The following SOX5 variants were observed in gnomAD, a reference collection of about 807,000 sequenced individuals.
The protein encoded by SOX5 is SRY-box transcription factor 5.
SOX5 carries 9 observed loss-of-function variants against 92.0 expected under a neutral mutation model. The ratio of observed to expected loss-of-function variants is 0.10; its 90% CI spans 0.06 to 0.17. The LOEUF (loss-of-function observed/expected upper bound fraction) is 0.17, where lower values mean the gene tolerates loss of function less well. Ranked by LOEUF, SOX5 falls within the 10% of genes least tolerant of loss-of-function variation. The pLI is 1.00. For missense variants in SOX5, 642 were observed against 944.5 expected (o/e 0.68, Z 4.20); for synonymous variants, 344 against 336.3 (o/e 1.02, Z -0.25).
intron 3 of SOX5, among the ~76,000 whole-genome samples, chr12:23,838,160 A>G (rs574920352): frequency 2.1e-5 from 3 of 142,648 alleles, no homozygotes; most frequent in East Asian, 4.0e-4. Context: ...ATATTTATAT[A>G]ATATATATTT....
intron 4 of SOX5, among the ~76,000 whole-genome samples, chr12:23,980,359 T>C (rs1949457770): frequency 6.6e-6 from 1 of 152,290 alleles, no homozygotes; most frequent in African/African-American, 2.4e-5. Flanking sequence ...TTCATTGCCA[T>C]TGATGAAATT....
At chr12:24,470,082 G>A (rs75403608) in intron 1 of SOX5, among the ~76,000 whole-genome samples, 3,240 of 152,264 alleles carry the variant, frequency 0.021, 48 homozygotes, top group South Asian at 0.036. Context: ...GTAACTGTAC[G>A]TGAATAATCT....
intron 2 of SOX5, among the ~76,000 whole-genome samples, chr12:24,305,655 T>C (rs145114108): frequency 1.7e-3 from 261 of 152,314 alleles, no homozygotes; most frequent in African/African-American, 5.9e-3. Flanking sequence ...TGGAGTGCAG[T>C]GGCGCGATCG....
intron 7 of SOX5, 47 bp downstream of exon 7, chr12:23,665,397 A>C (rs375024935): frequency 6.2e-7 from 1 of 1,606,428 alleles, no homozygotes; most frequent in East Asian, 2.2e-5. Context: ...CCTAATTTAA[A>C]GCTTTGCCCT....
chr12:23,691,172 T>C (rs1030733311), intron 6 of SOX5, among the ~76,000 whole-genome samples: 19 of 152,296 alleles, frequency 1.2e-4, no homozygotes, highest in African/African-American at 4.6e-4. Flanking sequence ...GGAGGCCAGA[T>C]AGAAGGGTAC....
intron 2 of SOX5, among the ~76,000 whole-genome samples, chr12:24,329,604 T>C (rs1167331387): frequency 6.6e-6 from 1 of 152,220 alleles, no homozygotes; most frequent in Non-Finnish European, 1.5e-5. Context: ...ATATTGGTTC[T>C]ACACTGACAA....
At chr12:24,540,933 A>C (rs1952067121) in intron 1 of SOX5, among the ~76,000 whole-genome samples, 1 of 152,166 alleles carries the variant, frequency 6.6e-6, no homozygotes, top group Non-Finnish European at 1.5e-5. Context: ...ACTAACCATA[A>C]GTTGCATTGC....
At chr12:23,661,675 C>CTCA (rs1443520338) in intron 7 of SOX5, among the ~76,000 whole-genome samples, 1 of 152,162 alleles carries the variant, frequency 6.6e-6, no homozygotes, top group Non-Finnish European at 1.5e-5. Context: ...AGCTTCACAG[C>CTCA]TCACATGTTA....
intron 8 of SOX5, among the ~76,000 whole-genome samples, chr12:23,630,134 C>T (rs981552189): frequency 6.6e-6 from 1 of 151,782 alleles, no homozygotes; most frequent in Non-Finnish European, 1.5e-5. Context: ...ACATTAAAAG[C>T]ACCTATGTAA....
intron 4 of SOX5, among the ~76,000 whole-genome samples, chr12:23,744,951 G>A (rs1422324328): frequency 1.3e-5 from 2 of 151,924 alleles, no homozygotes; most frequent in African/African-American, 4.8e-5. Context: ...ACATCGTCTC[G>A]GTCTGTACAT....
chr12:23,574,903 T>A (rs1228408153), intron 10 of SOX5, among the ~76,000 whole-genome samples: 4 of 152,182 alleles, frequency 2.6e-5, no homozygotes, highest in Non-Finnish European at 5.9e-5. Context: ...ACTTTATCTG[T>A]GCTCTGCAAC....
At chr12:24,027,328 T>A (rs1357624909) in intron 4 of SOX5, among the ~76,000 whole-genome samples, 6 of 151,988 alleles carry the variant, frequency 3.9e-5, no homozygotes, top group African/African-American at 1.4e-4. Flanking sequence ...GACTACCATA[T>A]TCTACTGCCT....
At chr12:24,353,424 G>T (rs1954364925) in intron 2 of SOX5, among the ~76,000 whole-genome samples, 3 of 152,150 alleles carry the variant, frequency 2.0e-5, no homozygotes, top group Admixed American at 2.0e-4. Flanking sequence ...TAGAGCAACA[G>T]CTCTCACACT....
At chr12:24,448,692 G>C (rs1330753521) in intron 1 of SOX5, among the ~76,000 whole-genome samples, 2 of 151,994 alleles carry the variant, frequency 1.3e-5, no homozygotes, top group Non-Finnish European at 1.5e-5. Flanking sequence ...AGATACTTTT[G>C]CTTGCTTATC....
chr12:23,584,677 T>G (rs1303291967), intron 9 of SOX5: 1 of 1,160,680 alleles, frequency 8.6e-7, no homozygotes, highest in African/African-American at 1.5e-5. Flanking sequence ...ATTTGGGAGA[T>G]GAGTGAAGGC....
intron 4 of SOX5, among the ~76,000 whole-genome samples, chr12:24,135,152 C>G (rs573406955): frequency 9.9e-5 from 15 of 152,106 alleles, no homozygotes; most frequent in Admixed American, 9.8e-4. Flanking sequence ...AGACCTGCTC[C>G]GCTATTTTCA....
chr12:24,444,194 A>G (rs955419169), intron 1 of SOX5, among the ~76,000 whole-genome samples: 2 of 152,102 alleles, frequency 1.3e-5, no homozygotes, highest in African/African-American at 4.8e-5. Flanking sequence ...TAGCTAGGGT[A>G]GTTAAAGGTG....
chr12:23,877,497 TAATA>T (rs2096940466), intron 2 of SOX5, among the ~76,000 whole-genome samples: 1 of 152,132 alleles, frequency 6.6e-6, no homozygotes, highest in African/African-American at 2.4e-5. Flanking sequence ...TCAACCTTAT[TAATA>T]AATAGCTTTA....
At chr12:24,531,856 C>T (rs180725025) in intron 1 of SOX5, among the ~76,000 whole-genome samples, 4 of 152,272 alleles carry the variant, frequency 2.6e-5, no homozygotes, top group East Asian at 1.9e-4. Flanking sequence ...CAAAAGAGTA[C>T]GCCTCAGGCT....
Sources: allele counts gnomAD v4.1 joint callset (sites outside exome capture counted in the v4.1 genomes callset), GRCh38; gene constraint gnomAD v4.1.1; transcripts MANE v1.5; gene names NCBI Gene and HGNC (gene_info 2026-07-23, HGNC 2026-07-21).